SCNN1G: variants seen among roughly 807,000 people sequenced by gnomAD.
The protein encoded by SCNN1G is epithelial sodium channel subunit gamma.
SCNN1G carries 27 observed loss-of-function variants against 64.6 expected under a neutral mutation model. The ratio of observed to expected loss-of-function variants is 0.42; its 90% CI spans 0.31 to 0.58. The LOEUF (loss-of-function observed/expected upper bound fraction) is 0.58. Ranked by LOEUF, SCNN1G falls within the 20% of genes least tolerant of loss-of-function variation. SCNN1G has a pLI of 0.18. For synonymous variants in SCNN1G, 330 were observed against 314.2 expected (o/e 1.05, Z -0.53); for missense variants, 743 against 823.4 (o/e 0.90, Z 1.19).
chr16:23,199,980 G>A (rs563703845), intron 6 of SCNN1G, among the ~76,000 whole-genome samples: 5 of 152,090 alleles, frequency 3.3e-5, no homozygotes, highest in East Asian at 1.9e-4. Context: ...CCATAATGAC[G>A]TTTTTCTTTA....
At chr16:23,212,797 G>A (rs368829072) in intron 9 of SCNN1G, 40 bp from the exon 10 acceptor site, 2 of 1,613,732 alleles carry the variant, frequency 1.2e-6, no homozygotes, top group African/African-American at 1.3e-5. Flanking sequence ...GCTGGGTTGG[G>A]TTGGGCTGCC....
At chr16:23,185,768 C>G (rs1202760883) in intron 1 of SCNN1G, among the ~76,000 whole-genome samples, 28 of 152,222 alleles carry the variant, frequency 1.8e-4, no homozygotes, top group Admixed American at 1.8e-3. Context: ...GAGCACTGCT[C>G]TGTGCCAGAC....
chr16:23,211,960 T>A, intron 7 of SCNN1G, 74 bp from the exon 8 acceptor site: 1 of 1,085,528 alleles, frequency 9.2e-7, no homozygotes. Flanking sequence ...CCCCCTGGGC[T>A]GAGGGATGTG....
chr16:23,194,260 G>C lies in SCNN1G; in HGVS notation c.899G>C (p.Gly300Ala), dbSNP rs771938926. The change falls in exon 5 of 13, where the codon GGG becomes GCG. Residue 300 changes from glycine to alanine, a missense_variant. Physicochemically the swap from Gly to Ala is moderately conservative, Grantham distance 60. Coordinates refer to ENST00000300061, the MANE Select transcript of SCNN1G (RefSeq NM_001039.4). Reference protein sequence around the residue: ...ENETILSTSMGGSEYGLQVIL... With the variant: ...ENETILSTSMAGSEYGLQVIL... Reference sequence around the variant, plus strand: ...GAGACCATTCTCAGCACCTCCATGGGGGGCAGCGAATATGGTAAGGAAACC... The same window carrying C: ...GAGACCATTCTCAGCACCTCCATGGCGGGCAGCGAATATGGTAAGGAAACC... The C allele has an allele frequency of 1.8e-5, 29 of 1,609,902 alleles. No individual in the cohort carries two copies. In the Admixed American group the frequency reaches 2.0e-4, roughly 11 times the overall value.
Position 23,186,359 on chromosome 16 carries a change from C to T in SCNN1G, c.88C>T (p.Arg30Trp). Residue 30 changes from arginine to tryptophan, a missense_variant, in exon 2 of 13, where the codon CGG becomes TGG. By Grantham distance (101) the Arg-to-Trp change is moderately radical. Coordinates refer to ENST00000300061, the MANE Select transcript of SCNN1G (RefSeq NM_001039.4). ...PQAPTIKELM[R>W]WYCLNTNTHG... ...GGCGCCGACCATTAAAGAGCTGATG[C>T]GGTGGTACTGCCTCAACACCAACAC... is the stretch of plus-strand genomic sequence containing the variant. 1 of 1,614,224 alleles carries T rather than the reference C, an allele frequency of 6.2e-7. No homozygotes were observed. The highest frequency in any genetic ancestry group is 8.5e-7 in the Non-Finnish European group (1 of 1,180,018).
intron 3 of SCNN1G, among the ~76,000 whole-genome samples, chr16:23,191,064 C>T (rs186906833): frequency 3.9e-5 from 6 of 152,114 alleles, no homozygotes; most frequent in African/African-American, 7.2e-5. Flanking sequence ...AGGCTGGTCT[C>T]GAACCCTCGA....
chr16:23,214,726 A>C lies in SCNN1G; in HGVS notation c.1508A>C (p.Lys503Thr). Reference sequence around the variant, plus strand: ...GAATTTTGCAGGACAGACTTGGCCAAACTCTTGATATTCTACAAAGACCTG... The same window carrying C: ...GAATTTTGCAGGACAGACTTGGCCACACTCTTGATATTCTACAAAGACCTG... ...NKKLNKTDLA[K>T]LLIFYKDLNQ... The change falls in exon 12 of 13, where the codon AAA becomes ACA. Residue 503 changes from lysine to threonine, a missense_variant. Transcript: ENST00000300061. 1 of 1,614,112 alleles carries C rather than the reference A, an allele frequency of 6.2e-7. No individual in the cohort carries two copies. Among genetic ancestry groups the C allele is most frequent in the Non-Finnish European group, 8.5e-7 (1 of 1,179,958 alleles).
chr16:23,205,818 C>T (rs1351802892), intron 6 of SCNN1G, among the ~76,000 whole-genome samples: 1 of 152,148 alleles, frequency 6.6e-6, no homozygotes, highest in African/African-American at 2.4e-5. Flanking sequence ...GAAGCAGCAG[C>T]AGTCCATTCT....
rs916867629 is a variant in SCNN1G, at chr16:23,186,710, T to C, written c.317+122T>C. On this transcript the variant is annotated intron_variant, in intron 2 of 12. Transcript: ENST00000300061. ...GATTCCAGCCTACAAATGTGCTTTCTAGAAATTTGAATTTGTTGCTAACGC... is the reference window on the plus strand; with the variant it reads ...GATTCCAGCCTACAAATGTGCTTTCCAGAAATTTGAATTTGTTGCTAACGC... 2.2e-5 allele frequency: 19 copies of C among 852,482 alleles called. No individual in the cohort carries two copies. The East Asian group carries it at 2.6e-4, about 12-fold the overall frequency. The allele number at this position is 852,482 out of a possible 1,614,324, so 52.8% of individuals were successfully genotyped here. A position where few individuals can be genotyped will look rare whatever the true frequency, so the allele number is the denominator to read the frequency against.
At chr16:23,187,112 T>C (rs74484779) in intron 2 of SCNN1G, among the ~76,000 whole-genome samples, 4 of 148,150 alleles carry the variant, frequency 2.7e-5, no homozygotes, top group Middle Eastern at 3.2e-3. Context: ...TTTTCTTTTT[T>C]TTTTTTTTTT....
rs1240242585 is a variant in SCNN1G at position 23,213,157 on chromosome 16, TCAA to T, written c.1491_1493del (p.Asn497del). 6.2e-7 allele frequency: 1 copy of T among 1,610,656 alleles called. No individual in the cohort carries two copies. Among genetic ancestry groups the T allele is most frequent in the Admixed American group, 1.7e-5 (1 of 59,806 alleles). ...CAAGGCCGGCAAGTAAACAAAAAGC[TCAA>T]CAAGTAAGTTACCTCTACCCTGTTC... is the stretch of plus-strand genomic sequence containing the variant. On this transcript the variant is annotated inframe_deletion, in exon 11 of 13. Coordinates refer to ENST00000300061, the MANE Select transcript of SCNN1G (RefSeq NM_001039.4).
chr16:23,197,114 CG>C (rs757962668), intron 5 of SCNN1G, 149 bp from the exon 6 acceptor site: 175 of 708,224 alleles, frequency 2.5e-4, no homozygotes, highest in Non-Finnish European at 4.1e-4. Context: ...TCCAATCTCA[CG>C]GAGCTTCCAG....
In SCNN1G at chr16:23,213,032, A is replaced by G. The variant is rs570124035; in HGVS notation, c.1432-70A>G. 3.0e-4 allele frequency: 453 copies of G among 1,534,464 alleles called. 1 individual carries two copies. The highest frequency in any genetic ancestry group is 3.9e-4 in the Non-Finnish European group (434 of 1,107,598). On this transcript the variant is annotated intron_variant, in intron 10 of 12. Transcript: ENST00000300061. ...GTGGAGGCTGGGGGACAAGTTGGGG[A>G]GCCTGAGGCGGGAGGCTGGCCCTAG...
intron 6 of SCNN1G, among the ~76,000 whole-genome samples, chr16:23,198,178 C>T (rs1382842805): frequency 6.6e-6 from 1 of 152,210 alleles, no homozygotes; most frequent in African/African-American, 2.4e-5. Context: ...AGAACCCCTT[C>T]TCCCTCCAAA....
intron 11 of SCNN1G, 99 bp from the exon 12 acceptor site, chr16:23,214,613 G>A: frequency 2.2e-6 from 2 of 920,058 alleles, no homozygotes; most frequent in South Asian, 1.3e-5. Context: ...CAGTGCCTTG[G>A]CCATGCTGCC....
chr16:23,196,063 A>G (rs925737083), intron 5 of SCNN1G: 5 of 152,214 alleles, frequency 3.3e-5, no homozygotes, highest in Non-Finnish European at 4.4e-5. Flanking sequence ...GTACACAACT[A>G]CACAGACATG....
intron 2 of SCNN1G, among the ~76,000 whole-genome samples, chr16:23,188,373 G>A (rs902076320): frequency 3.9e-5 from 6 of 151,966 alleles, no homozygotes; most frequent in African/African-American, 7.3e-5. Context: ...TTAGCCAGGT[G>A]TGATGGCACA....
intron 4 of SCNN1G, among the ~76,000 whole-genome samples, chr16:23,192,904 A>C (rs1166673617): frequency 6.6e-6 from 1 of 151,702 alleles, no homozygotes; most frequent in Non-Finnish European, 1.5e-5. Flanking sequence ...CCCCGTCTCT[A>C]CTAAAAATAC....
At chr16:23,193,000 C>T (rs1319870156) in intron 4 of SCNN1G, among the ~76,000 whole-genome samples, 2 of 130,894 alleles carry the variant, frequency 1.5e-5, no homozygotes, top group East Asian at 2.7e-4. Flanking sequence ...ACCCGGGAGG[C>T]GGAGGTTGCA....
Sources: gnomAD v4.1 joint callset for allele counts (sites outside exome capture counted in the v4.1 genomes callset) on GRCh38, gnomAD v4.1.1 for gene constraint, MANE v1.5 for transcripts, NCBI Gene and HGNC (gene_info 2026-07-23, HGNC 2026-07-21) for gene names.